EML5: variants seen among roughly 807,000 people sequenced by gnomAD.
The protein encoded by EML5 is echinoderm microtubule-associated protein-like 5.
A neutral mutation model predicts 250.0 loss-of-function variants in EML5; 120 were observed. That is an observed-to-expected ratio of 0.48 (90% CI 0.41 to 0.56). The LOEUF (loss-of-function observed/expected upper bound fraction) is 0.56, where lower values mean the gene tolerates loss of function less well. EML5 is among the 20% of genes least tolerant of loss of function. The probability of loss-of-function intolerance (pLI) is 0.00; values close to 1 mark genes in which losing one functional copy is unlikely to be tolerated. For missense variants in EML5, 2,006 were observed against 2,437.6 expected, an observed-to-expected ratio of 0.82 and a Z score of 3.73; for synonymous variants, 771 against 806.5, an observed-to-expected ratio of 0.96 and a Z score of 0.75.
chr14:88,712,271 C>A lies in EML5; in HGVS notation c.1657G>T (p.Gly553Trp). ...CTTAATATTTTGAAAGAAAAGGTAC[C>A]TTTTCTTAAACATGGATATCGGAAT... ...KLFRYPCLRK[G>W]AKFRKYIGHS... Residue 553 changes from glycine (G) to tryptophan (W), a missense_variant and splice_region_variant, in exon 10 of 44, where the codon GGG becomes TGG. By Grantham distance (184) the Gly-to-Trp change is radical (BLOSUM62 -2). Around this residue, in one of 7 missense-constraint regions of EML5, gnomAD observed 1,375 missense variants for 1,590.3 expected, o/e 0.86. Coordinates refer to ENST00000554922, the MANE Select transcript of EML5 (RefSeq NM_183387.3). 6.2e-7 allele frequency: 1 copy of A among 1,601,378 alleles called. No individual in the cohort carries two copies. The highest frequency in any genetic ancestry group is 8.5e-7 in the Non-Finnish European group (1 of 1,171,150).
At chr14:88,698,263 TCC>T (rs2093126044) in intron 14 of EML5, among the ~76,000 whole-genome samples, 1 of 117,072 alleles carries the variant, frequency 8.5e-6, no homozygotes, top group Non-Finnish European at 1.6e-5. Context: ...TTCTCCAGTT[TCC>T]TTTTTTTTTT....
chr14:88,684,962 G>T, intron 20 of EML5, 53 bp downstream of exon 20: 14 of 1,454,864 alleles, frequency 9.6e-6, no homozygotes, highest in Admixed American at 6.4e-5. Context: ...CTTATATATT[G>T]AAATAATCAA....
At chr14:88,775,206 C>T (rs962462912) in intron 1 of EML5, among the ~76,000 whole-genome samples, 3 of 152,130 alleles carry the variant, frequency 2.0e-5, no homozygotes, top group Admixed American at 6.5e-5. Context: ...GGCCATGGGG[C>T]GAAACTCCTT....
intron 7 of EML5, among the ~76,000 whole-genome samples, chr14:88,735,954 T>C (rs2093832161): frequency 6.6e-6 from 1 of 152,018 alleles, no homozygotes; most frequent in South Asian, 2.1e-4. Context: ...CTTATGTTCA[T>C]TTGTTATACC....
In EML5 at chr14:88,694,403, T is replaced by C; in HGVS notation, c.2443A>G (p.Ser815Gly). 6.4e-7 allele frequency: 1 copy of C among 1,562,854 alleles called. No individual in the cohort carries two copies. The highest frequency in any genetic ancestry group is 1.4e-5 in the African/African-American group (1 of 73,986). Reference protein sequence around the residue: ...KGEKLSIARGSKDKIFVVKMN... With the variant: ...KGEKLSIARGGKDKIFVVKMN... ...TTTACAACAAAAATCTTATCTTTACTTCCTCTGAAATAAACATCGAAATGT... is the reference window on the plus strand; with the variant it reads ...TTTACAACAAAAATCTTATCTTTACCTCCTCTGAAATAAACATCGAAATGT... Residue 815 changes from serine to glycine, a missense_variant, in exon 17 of 44, where the codon AGT (serine) becomes GGT (glycine). Around this residue, in one of 7 missense-constraint regions of EML5, gnomAD observed 1,375 missense variants for 1,590.3 expected, o/e 0.86. Coordinates refer to ENST00000554922, the MANE Select transcript of EML5 (RefSeq NM_183387.3).
chr14:88,627,434 G>T, intron 34 of EML5: 1 of 519,832 alleles, frequency 1.9e-6, no homozygotes, highest in Non-Finnish European at 3.3e-6. Flanking sequence ...TGCTAATAAT[G>T]GTTTCATTAA....
chr14:88,686,917 A>G (rs2141231807), intron 19 of EML5, among the ~76,000 whole-genome samples: 1 of 152,346 alleles, frequency 6.6e-6, no homozygotes, highest in East Asian at 1.9e-4. Context: ...GTTGCACACA[A>G]GTTCCTGACT....
intron 10 of EML5, among the ~76,000 whole-genome samples, chr14:88,710,004 G>T (rs2139829890): frequency 6.6e-6 from 1 of 152,238 alleles, no homozygotes; most frequent in South Asian, 2.1e-4. Flanking sequence ...GTACAGAGGG[G>T]GTCTTGGCCA....
Position 88,792,767 on chromosome 14 carries a change from C to A in EML5, c.-264G>T. On this transcript the variant is annotated 5_prime_UTR_variant, in exon 1 of 44. In the 5' UTR this introduces an upstream ATG that the reference lacks. Transcript: ENST00000554922. This position sits in a 1 kb window ranked among gnomAD's most constrained non-coding sequence, Gnocchi z 6.9. The stretch of plus-strand genomic sequence containing the variant: ...TGGATGCCCAGAGCCCTTCGCCCGC[C>A]TCGGCTCGCCTAGTCTCCTCAGCCC... 1 of 1,038,576 alleles carries A rather than the reference C, an allele frequency of 9.6e-7. No individual in the cohort carries two copies. The highest frequency in any genetic ancestry group is 1.2e-6 in the Non-Finnish European group (1 of 864,686). 64.3% of individuals were successfully genotyped at this position (1,038,576 alleles called of 1,614,324 possible). A position where few individuals can be genotyped will look rare whatever the true frequency, so the allele number is the denominator to read the frequency against.
At chr14:88,687,443 G>T in intron 18 of EML5, 116 bp from the exon 19 acceptor site, 1 of 689,770 alleles carries the variant, frequency 1.4e-6, no homozygotes, top group Non-Finnish European at 2.4e-6. Flanking sequence ...GTTACAGCTT[G>T]TAAAGAACAG....
chr14:88,710,765 A>G (rs1270308439), intron 10 of EML5, among the ~76,000 whole-genome samples: 1 of 152,200 alleles, frequency 6.6e-6, no homozygotes, highest in South Asian at 2.1e-4. Context: ...TGGGAAACAA[A>G]AAAGAGAAGC....
chr14:88,740,358 A>C (rs781761980), intron 5 of EML5, 29 bp downstream of exon 5: 3 of 1,565,916 alleles, frequency 1.9e-6, no homozygotes, highest in Admixed American at 3.6e-5. Context: ...ATACACATGA[A>C]AGTGTTTAAA....
At chr14:88,679,624 G>A (rs56960439) in intron 21 of EML5, among the ~76,000 whole-genome samples, 36,204 of 151,932 alleles carry the variant, frequency 0.24, 4,507 homozygotes, top group East Asian at 0.38. Flanking sequence ...CCTGGGAGGC[G>A]GAGGATGCAC....
intron 1 of EML5, among the ~76,000 whole-genome samples, chr14:88,766,351 TCAGCAAGGAACATCCCTGA>T (rs1403208958): frequency 6.6e-6 from 1 of 152,180 alleles, no homozygotes; most frequent in Non-Finnish European, 1.5e-5. Flanking sequence ...ATTCTTTTTC[TCAGCAAGGAACATCCCTGA>T]GAAAGAGAAT....
chr14:88,719,375 G>A (rs372033391), intron 8 of EML5, among the ~76,000 whole-genome samples: 1 of 152,174 alleles, frequency 6.6e-6, no homozygotes, highest in Non-Finnish European at 1.5e-5. Context: ...AACAGAGCGA[G>A]ACCTTGTCTC....
intron 29 of EML5, among the ~76,000 whole-genome samples, chr14:88,644,976 T>C (rs1316481576): frequency 6.6e-6 from 1 of 151,706 alleles, no homozygotes; most frequent in Non-Finnish European, 1.5e-5. Context: ...CCTCCCAGAG[T>C]GCTGGGATTA....
In EML5 at chr14:88,713,572, G is replaced by T. The variant is rs530656199; in HGVS notation, c.1445-1089C>A. Among the ~76,000 whole-genome samples the T allele has an allele frequency of 3.0e-4, 45 of 151,484 alleles. 1 individual carries two copies. In the East Asian group the frequency reaches 8.7e-3, roughly 29 times the overall value. On this transcript the variant is annotated intron_variant, in intron 9 of 43. Transcript: ENST00000554922. The stretch of plus-strand genomic sequence containing the variant: ...GGCTCCCAGCAGCCTTGAACTCCCA[G>T]CTCAAATGATCCTCCCACTGCAGGT...
At chr14:88,749,963 C>A (rs1401852974) in intron 2 of EML5, among the ~76,000 whole-genome samples, 1 of 152,176 alleles carries the variant, frequency 6.6e-6, no homozygotes, top group South Asian at 2.1e-4. Flanking sequence ...CAAGCCAAAT[C>A]CTGTCTGTAC....
chr14:88,783,382 A>C (rs998014157), intron 1 of EML5, among the ~76,000 whole-genome samples: 2 of 152,252 alleles, frequency 1.3e-5, no homozygotes, highest in Admixed American at 1.3e-4. Context: ...GATCAATGGA[A>C]GATCCAATGG....
Sources: gnomAD v4.1 joint callset for allele counts (sites outside exome capture counted in the v4.1 genomes callset) on GRCh38, gnomAD v4.1.1 for gene constraint, gnomAD v4.1.1 regional missense constraint, Gnocchi (gnomAD v3.1) non-coding constraint, MANE v1.5 for transcripts, NCBI Gene and HGNC (gene_info 2026-07-23, HGNC 2026-07-21) for gene names.